RMI1: variants seen among roughly 807,000 people sequenced by gnomAD.
RMI1 encodes the protein RecQ mediated genome instability 1.
Under a neutral mutation model 46.7 loss-of-function variants are expected in RMI1, and 36 were observed. The observed-to-expected ratio is 0.77, with a 90% CI of 0.59 to 1.02. RMI1 has a LOEUF of 1.02. Among genes scored for constraint, RMI1 ranks in the 50% least tolerant of loss-of-function variants. The pLI, the probability that RMI1 is intolerant of heterozygous loss-of-function variation, is 0.00. For missense variants in RMI1, 676 were observed against 713.7 expected (o/e 0.95, Z 0.60); for synonymous variants, 250 against 252.9 (o/e 0.99, Z 0.11).
chr9:83,999,274 A>G (rs914918190), intron 1 of RMI1, among the ~76,000 whole-genome samples: 17 of 152,266 alleles, frequency 1.1e-4, no homozygotes, highest in African/African-American at 3.1e-4. Context: ...GTCTAATAAT[A>G]GTATACATTT....
chr9:83,991,665 A>AT (rs1372295421), intron 1 of RMI1, among the ~76,000 whole-genome samples: 2 of 152,092 alleles, frequency 1.3e-5, no homozygotes, highest in Admixed American at 6.5e-5. Flanking sequence ...GGTCACAAAG[A>AT]TTTTTTCTGC....
chr9:83,984,053 T>C (rs1957455984), intron 1 of RMI1, among the ~76,000 whole-genome samples: 1 of 152,150 alleles, frequency 6.6e-6, no homozygotes, highest in African/African-American at 2.4e-5. Context: ...GCCACATAAA[T>C]CTTTGTCTTT....
Position 84,001,107 on chromosome 9 carries a change from GT to G in RMI1, c.123del (p.Asn42ThrfsTer2). Reference protein sequence around the residue: ...INWIQEENNNVNLSQAQMNKQ... With the variant: ...INWIQEENNNXNLSQAQMNKQ... ...CTGGATTCAAGAAGAAAATAATAAT[GT>G]TAACTTGAGTCAGGCCCAAATGAAT... On this transcript the variant is annotated frameshift_variant, in exon 3 of 3. Transcript: ENST00000445877. LOFTEE classifies it high-confidence loss of function. 1 of 1,614,092 alleles carries G rather than the reference GT, an allele frequency of 6.2e-7. No individual in the cohort carries two copies. The highest frequency in any genetic ancestry group is 1.1e-5 in the South Asian group (1 of 91,084).
Position 84,002,837 on chromosome 9 carries a change from G to T in RMI1, c.1851G>T (p.Glu617Asp). 6.4e-7 allele frequency: 1 copy of T among 1,551,832 alleles called. No individual in the cohort carries two copies. The highest frequency in any genetic ancestry group is 8.8e-7 in the Non-Finnish European group (1 of 1,140,098). ...AAGATGTTAATATGGAACACCTTGA[G>T]AATCTAAAGAAGCGGTTAAATAAAT... ...ALQDVNMEHL[E>D]NLKKRLNK is the part of the protein sequence containing the mutation. Residue 617 changes from glutamate to aspartate, a missense_variant, in exon 3 of 3, where the codon GAG becomes GAT. Glu to Asp is a conservative substitution (Grantham distance 45, BLOSUM62 2). Transcript: ENST00000445877.
intron 1 of RMI1, among the ~76,000 whole-genome samples, chr9:83,984,434 T>A (rs2133100106): frequency 6.6e-6 from 1 of 151,704 alleles, no homozygotes; most frequent in Non-Finnish European, 1.5e-5. Flanking sequence ...CAAGCTCGGC[T>A]AATTTTTTTG....
chr9:83,982,031 C>T (rs1227843757), intron 1 of RMI1, among the ~76,000 whole-genome samples: 2 of 152,154 alleles, frequency 1.3e-5, no homozygotes, highest in Admixed American at 6.5e-5. Context: ...ATGGTCCCCA[C>T]CATGAAGAGT....
At position 83,989,838 on chromosome 9, in the gene RMI1, A is replaced by G. The variant is rs189147317; in HGVS notation, c.-126+8947A>G. On this transcript the variant is annotated intron_variant, in intron 1 of 2. Coordinates refer to ENST00000445877, the MANE Select transcript of RMI1 (RefSeq NM_001358291.2). ...TGCCATATGATCCAGCAATTTCACC[A>G]CAAAGTATAAACTAAAAGAAAGGAA... 2.5e-3 allele frequency among the ~76,000 whole-genome samples: 376 copies of G among 152,322 alleles called. 3 individuals are homozygous for G. Among genetic ancestry groups the G allele is most frequent in the Admixed American group, 4.7e-3 (72 of 15,300 alleles).
chr9:83,987,084 G>A (rs1207941752), intron 1 of RMI1, among the ~76,000 whole-genome samples: 1 of 150,564 alleles, frequency 6.6e-6, no homozygotes, highest in South Asian at 2.2e-4. Context: ...TTCGCTTTCC[G>A]ATGGAGTCTC....
chr9:83,990,580 A>G (rs905492079), intron 1 of RMI1, among the ~76,000 whole-genome samples: 3 of 152,126 alleles, frequency 2.0e-5, no homozygotes, highest in Non-Finnish European at 4.4e-5. Context: ...ATAGTTAACA[A>G]TAATTTATTA....
intron 1 of RMI1, among the ~76,000 whole-genome samples, chr9:83,985,918 A>G (rs946617472): frequency 6.6e-6 from 1 of 152,158 alleles, no homozygotes; most frequent in Non-Finnish European, 1.5e-5. Flanking sequence ...CTGAGGCAGG[A>G]GAATGGCAGG....
At position 84,001,986 on chromosome 9, in the gene RMI1, A is replaced by T. The variant is rs112455581; in HGVS notation, c.1000A>T (p.Lys334Ter). 22 of 1,614,112 alleles carry T rather than the reference A, an allele frequency of 1.4e-5. No homozygotes were observed. Among genetic ancestry groups the T allele is most frequent in the Non-Finnish European group, 1.8e-5 (21 of 1,179,976 alleles). Residue 334 changes from lysine to a stop codon, truncating the protein, a stop_gained, in exon 3 of 3, where the codon AAG becomes TAG. Coordinates refer to ENST00000445877, the MANE Select transcript of RMI1 (RefSeq NM_001358291.2). LOFTEE classifies it high-confidence loss of function. ...ETVQKEQMET[K>*]ELQPLTFNRN... Reference sequence around the variant, plus strand: ...TGTCCAGAAAGAACAGATGGAAACTAAGGAATTGCAACCATTGACTTTTAA... The same window carrying T: ...TGTCCAGAAAGAACAGATGGAAACTTAGGAATTGCAACCATTGACTTTTAA...
At chr9:83,989,821 G>A (rs974031380) in intron 1 of RMI1, among the ~76,000 whole-genome samples, 5 of 152,138 alleles carry the variant, frequency 3.3e-5, no homozygotes, top group African/African-American at 1.2e-4. Context: ...TCTGCCATAT[G>A]ATCCAGCAAT....
At chr9:83,992,891 T>G (rs188858260) in intron 1 of RMI1, 26 of 152,166 alleles carry the variant, frequency 1.7e-4, no homozygotes, top group African/African-American at 5.5e-4. Context: ...TCTTTTTCTC[T>G]TTTTAAAATT....
In RMI1 at chr9:84,001,289, C is replaced by T. The variant is rs1309070118; in HGVS notation, c.303C>T (p.Ser101=). ...SLVDVSQPAY[S]QIQKLRGKNT... ...TTGATGTAAGTCAGCCTGCATACTC[C>T]CAGATACAGAAGTTGAGAGGAAAGA... Residue 101 remains serine, a synonymous_variant, in exon 3 of 3, where the codon TCC becomes TCT. Coordinates refer to ENST00000445877, the MANE Select transcript of RMI1 (RefSeq NM_001358291.2). 1 of 1,614,056 alleles carries T rather than the reference C, an allele frequency of 6.2e-7. No homozygotes were observed. The highest frequency in any genetic ancestry group is 8.5e-7 in the Non-Finnish European group (1 of 1,179,970).
At chr9:83,984,057 T>G (rs1011799178) in intron 1 of RMI1, among the ~76,000 whole-genome samples, 1 of 152,174 alleles carries the variant, frequency 6.6e-6, no homozygotes, top group Non-Finnish European at 1.5e-5. Flanking sequence ...CATAAATCTT[T>G]GTCTTTATTT....
intron 1 of RMI1, chr9:83,981,138 C>T (rs114765831): frequency 6.6e-6 from 1 of 152,262 alleles, no homozygotes; most frequent in Non-Finnish European, 1.5e-5. Context: ...TGCCTTGCGC[C>T]GGGGCGGGAG....
chr9:83,995,240 C>A (rs1344398689), intron 1 of RMI1, among the ~76,000 whole-genome samples: 1 of 151,980 alleles, frequency 6.6e-6, no homozygotes, highest in Admixed American at 6.6e-5. Flanking sequence ...ACCTCATGAT[C>A]CACCTGCCTT....
chr9:83,991,691 A>G (rs1255956657), intron 1 of RMI1, among the ~76,000 whole-genome samples: 1 of 152,098 alleles, frequency 6.6e-6, no homozygotes, highest in Non-Finnish European at 1.5e-5. Flanking sequence ...TTTCTTATAC[A>G]TATTTTGTAG....
rs1957753943 is a variant in RMI1, at chr9:84,002,487, A to C, written c.1501A>C (p.Lys501Gln). ...FVYLSVLMAS[K>Q]PKEVTTVKVK... ...CTATTTGTCTGTTCTAATGGCCAGC[A>C]AACCAAAGGAAGTTACAACAGTGAA... Residue 501 changes from lysine to glutamine, a missense_variant, in exon 3 of 3, where the codon AAA (lysine) becomes CAA (glutamine). Coordinates refer to ENST00000445877, the MANE Select transcript of RMI1 (RefSeq NM_001358291.2). 7.4e-6 allele frequency: 12 copies of C among 1,613,908 alleles called. No homozygotes were observed. Among genetic ancestry groups the C allele is most frequent in the Non-Finnish European group, 1.0e-5 (12 of 1,179,960 alleles).
Sources: gnomAD v4.1 joint callset for allele counts (sites outside exome capture counted in the v4.1 genomes callset) on GRCh38, gnomAD v4.1.1 for gene constraint, MANE v1.5 for transcripts, NCBI Gene and HGNC (gene_info 2026-07-23, HGNC 2026-07-21) for gene names.